Variants in C10orf90 observed in about 807,000 individuals in gnomAD.
C10orf90 encodes the protein (E2-independent) E3 ubiquitin-conjugating enzyme FATS.
C10orf90 carries 56 observed loss-of-function variants against 62.5 expected under a neutral mutation model. The observed-to-expected ratio is 0.90, with a 90% CI of 0.72 to 1.12. The LOEUF (loss-of-function observed/expected upper bound fraction) is 1.12. C10orf90 is among the 50% of genes most tolerant of loss of function. The probability of loss-of-function intolerance (pLI) is 0.00; values close to 1 mark genes in which losing one functional copy is unlikely to be tolerated. For missense variants in C10orf90, 970 were observed against 880.4 expected (o/e 1.10, Z -1.29); for synonymous variants, 386 against 340.4 (o/e 1.13, Z -1.47).
intron 2 of C10orf90, chr10:126,524,942 T>G: frequency 1.3e-6 from 1 of 743,812 alleles, no homozygotes; most frequent in African/African-American, 1.9e-5. Context: ...TACATAGTAT[T>G]GAAAGTCATA....
At chr10:126,659,526 T>C (rs949528112) in intron 1 of C10orf90, among the ~76,000 whole-genome samples, 30 of 152,242 alleles carry the variant, frequency 2.0e-4, no homozygotes, top group African/African-American at 7.2e-4. Flanking sequence ...GTTTCTCTAA[T>C]ACGTTATTAT....
At chr10:126,469,486 C>T (rs1199854141) in intron 4 of C10orf90, among the ~76,000 whole-genome samples, 3 of 152,150 alleles carry the variant, frequency 2.0e-5, no homozygotes, top group Non-Finnish European at 4.4e-5. Context: ...TGGGCGGTGA[C>T]GTTTTCTCCC....
intron 7 of C10orf90, among the ~76,000 whole-genome samples, chr10:126,455,118 G>A (rs1009894731): frequency 6.6e-6 from 1 of 151,964 alleles, no homozygotes; most frequent in Non-Finnish European, 1.5e-5. Flanking sequence ...CCCTCATCAT[G>A]TTGTACCTGA....
chr10:126,657,790 A>G (rs1364794998), intron 1 of C10orf90, among the ~76,000 whole-genome samples: 1 of 151,508 alleles, frequency 6.6e-6, no homozygotes, highest in Non-Finnish European at 1.5e-5. Context: ...TAATTTTTGT[A>G]TTTTTAGTAG....
intron 2 of C10orf90, among the ~76,000 whole-genome samples, chr10:126,549,897 G>C (rs1243991877): frequency 6.6e-6 from 1 of 151,436 alleles, no homozygotes; most frequent in African/African-American, 2.4e-5. Flanking sequence ...ATAACACCAA[G>C]TGCAAAAAGA....
chr10:126,550,721 G>A (rs11245035), intron 2 of C10orf90, among the ~76,000 whole-genome samples: 60,361 of 151,942 alleles, frequency 0.4, 12,313 homozygotes, highest in Non-Finnish European at 0.44. Flanking sequence ...TGTTGGCCAG[G>A]CTGGTCTTGA....
chr10:126,425,962 A>C, intron 9 of C10orf90, 29 bp downstream of exon 9: 1 of 1,613,798 alleles, frequency 6.2e-7, no homozygotes, highest in Non-Finnish European at 8.5e-7. Context: ...CACCACACAC[A>C]TCACACCTGC....
intron 7 of C10orf90, among the ~76,000 whole-genome samples, chr10:126,430,519 G>T (rs1857509236): frequency 6.6e-6 from 1 of 152,192 alleles, no homozygotes; most frequent in East Asian, 1.9e-4. Flanking sequence ...AAAAAAAACA[G>T]TGTATATCCT....
intron 6 of C10orf90, 40 bp from the exon 7 acceptor site, chr10:126,459,257 T>A: frequency 6.2e-7 from 1 of 1,607,680 alleles, no homozygotes; most frequent in Non-Finnish European, 8.5e-7. Flanking sequence ...TTAAGAGCAG[T>A]GACACAGAAA....
At chr10:126,595,702 T>C (rs182681297) in intron 2 of C10orf90, among the ~76,000 whole-genome samples, 5 of 152,222 alleles carry the variant, frequency 3.3e-5, no homozygotes, top group African/African-American at 4.8e-5. Context: ...ATTCTAACAT[T>C]GTTAGATGTG....
chr10:126,505,120 G>A, intron 3 of C10orf90, 35 bp from the exon 4 acceptor site: 1 of 1,570,336 alleles, frequency 6.4e-7, no homozygotes, highest in Non-Finnish European at 8.6e-7. Flanking sequence ...TATTCAAGCA[G>A]TCTATTGAAA....
intron 5 of C10orf90, among the ~76,000 whole-genome samples, chr10:126,464,243 G>T (rs774542170): frequency 6.6e-6 from 1 of 152,138 alleles, no homozygotes; most frequent in African/African-American, 2.4e-5. Context: ...TTTTGGGCAC[G>T]TGAGTTCCAG....
At chr10:126,466,506 C>G (rs1860298453) in intron 4 of C10orf90, among the ~76,000 whole-genome samples, 1 of 152,228 alleles carries the variant, frequency 6.6e-6, no homozygotes, top group African/African-American at 2.4e-5. Flanking sequence ...GTTCCACACC[C>G]TCTGTCCTGG....
chr10:126,573,696 C>G (rs969597701), intron 2 of C10orf90, among the ~76,000 whole-genome samples: 10 of 152,186 alleles, frequency 6.6e-5, no homozygotes, highest in Admixed American at 3.3e-4. Flanking sequence ...TGAGAGCATC[C>G]CCAACCTTCA....
intron 7 of C10orf90, among the ~76,000 whole-genome samples, chr10:126,445,279 G>A (rs1168460753): frequency 6.6e-6 from 1 of 151,986 alleles, no homozygotes. Flanking sequence ...TCTGACAAAG[G>A]ACAAATATCC....
chr10:126,652,569 T>C (rs1271707472), intron 1 of C10orf90, among the ~76,000 whole-genome samples: 1 of 152,204 alleles, frequency 6.6e-6, no homozygotes, highest in Admixed American at 6.5e-5. Flanking sequence ...GGCTGTCTAA[T>C]GAGATGTGGT....
intron 1 of C10orf90, among the ~76,000 whole-genome samples, chr10:126,651,593 T>C (rs1422616871): frequency 6.6e-6 from 1 of 152,044 alleles, no homozygotes; most frequent in African/African-American, 2.4e-5. Flanking sequence ...GGGTTTTCCA[T>C]TAAGCAAGCA....
chr10:126,482,330 G>A (rs1861213628), intron 4 of C10orf90, among the ~76,000 whole-genome samples: 1 of 152,166 alleles, frequency 6.6e-6, no homozygotes, highest in South Asian at 2.1e-4. Flanking sequence ...CAGGATGCAG[G>A]GTTGAGTGCA....
intron 7 of C10orf90, among the ~76,000 whole-genome samples, chr10:126,444,807 C>T (rs919474927): frequency 5.3e-5 from 8 of 152,074 alleles, no homozygotes; most frequent in African/African-American, 1.9e-4. Flanking sequence ...CAGCATGGTA[C>T]TGGTATAAAA....
Sources: gnomAD v4.1 joint callset for allele counts (sites outside exome capture counted in the v4.1 genomes callset) on GRCh38, gnomAD v4.1.1 for gene constraint, MANE v1.5 for transcripts, NCBI Gene and HGNC (gene_info 2026-07-23, HGNC 2026-07-21) for gene names.